Variants in FANCA observed in about 807,000 individuals in gnomAD.
FANCA encodes the protein FA complementation group A, also known as Fanconi anemia group A protein.
In FANCA, 236 loss-of-function variants were observed where a neutral mutation model predicts 194.3. The observed-to-expected ratio is 1.21, with a 90% CI of 1.09 to 1.35. FANCA has a LOEUF of 1.35. Among genes scored for constraint, FANCA ranks in the 40% most tolerant of loss-of-function variants. The probability of loss-of-function intolerance (pLI) is 0.00; values close to 1 mark genes in which losing one functional copy is unlikely to be tolerated. For missense variants in FANCA, 2,628 were observed against 1,813.9 expected (o/e 1.45, Z -8.15); for synonymous variants, 1,014 against 715.8 (o/e 1.42, Z -6.65).
intron 15 of FANCA, among the ~76,000 whole-genome samples, chr16:89,784,390 CA>C (rs1240873621): frequency 4.5e-5 from 3 of 66,432 alleles, no homozygotes; most frequent in African/African-American, 1.7e-4. Flanking sequence ...CCCAAAAAAA[CA>C]AAAAAACAAA....
chr16:89,764,144 A>T (rs1458678141), intron 28 of FANCA, among the ~76,000 whole-genome samples: 2 of 151,930 alleles, frequency 1.3e-5, no homozygotes, highest in Non-Finnish European at 2.9e-5. Context: ...GGAGAGGCTG[A>T]GGCATGAGAA....
In FANCA at chr16:89,748,674, C is replaced by T. The variant is rs1325097813; in HGVS notation, c.3333G>A (p.Leu1111=). 4 of 1,613,840 alleles carry T rather than the reference C, an allele frequency of 2.5e-6. No homozygotes were observed. The highest frequency in any genetic ancestry group is 3.4e-6 in the Non-Finnish European group (4 of 1,179,906). ...ITARCEQFFH[L]VNSEMRNFCS... ...GGGCACCTACCATCTCAGAGTTGAC[C>T]AAGTGGAAGAACTGCTCGCATCTGG... The change falls in exon 33 of 43, where the codon TTG becomes TTA. Residue 1111 remains leucine (L), a synonymous_variant. Transcript: ENST00000389301.
intron 8 of FANCA, among the ~76,000 whole-genome samples, chr16:89,801,976 T>A (rs1380963621): frequency 6.6e-6 from 1 of 151,998 alleles, no homozygotes; most frequent in East Asian, 1.9e-4. Flanking sequence ...GGAAAGGAAA[T>A]CAGCCAGCTG....
chr16:89,802,447 G>A (rs1288148246), intron 8 of FANCA, among the ~76,000 whole-genome samples: 2 of 151,832 alleles, frequency 1.3e-5, no homozygotes, highest in African/African-American at 4.8e-5. Flanking sequence ...TGTCGCCTAG[G>A]CTGGAATACA....
At chr16:89,779,498 G>C (rs911878974) in intron 18 of FANCA, among the ~76,000 whole-genome samples, 3 of 151,786 alleles carry the variant, frequency 2.0e-5, no homozygotes, top group Non-Finnish European at 2.9e-5. Flanking sequence ...TTCCCTCCCA[G>C]TGCAAGCTCC....
intron 36 of FANCA, among the ~76,000 whole-genome samples, chr16:89,743,971 C>T (rs958441051): frequency 1.3e-5 from 2 of 152,100 alleles, no homozygotes; most frequent in African/African-American, 4.8e-5. Flanking sequence ...GATCTCGGCT[C>T]ACTGCAACCT....
intron 39 of FANCA, chr16:89,739,775 C>G (rs1249740023): frequency 1.4e-6 from 2 of 1,473,854 alleles, no homozygotes; most frequent in Non-Finnish European, 1.8e-6. Context: ...CAGAGAGAGG[C>G]AGTCCCCATG....
intron 14 of FANCA, among the ~76,000 whole-genome samples, chr16:89,789,436 CTTTTTTTTTTT>C (rs532159256): frequency 2.0e-5 from 2 of 102,556 alleles, no homozygotes; most frequent in South Asian, 3.3e-4. Flanking sequence ...AAACTCAATA[CTTTTTTTTTTT>C]TTTTTTTTTT....
intron 14 of FANCA, among the ~76,000 whole-genome samples, chr16:89,785,862 T>TTTTTG (rs1259525485): frequency 1.4e-5 from 2 of 145,642 alleles, no homozygotes; most frequent in African/African-American, 2.6e-5. Context: ...TGTTTTGTTT[T>TTTTTG]TTTTTTTTTG....
At chr16:89,766,737 G>A (rs1007441074) in intron 27 of FANCA, among the ~76,000 whole-genome samples, 4 of 151,454 alleles carry the variant, frequency 2.6e-5, no homozygotes, top group African/African-American at 9.7e-5. Flanking sequence ...AAATTCCTTT[G>A]TCTGAACAAT....
intron 42 of FANCA, 27 bp from the exon 43 acceptor site, chr16:89,738,735 C>T (rs2062033003): frequency 6.2e-7 from 1 of 1,613,140 alleles, no homozygotes; most frequent in Non-Finnish European, 8.5e-7. Flanking sequence ...GGTCCTCAGC[C>T]CATGCCGCCC....
intron 20 of FANCA, among the ~76,000 whole-genome samples, chr16:89,778,161 C>CAAAA (rs35361961): frequency 2.2e-3 from 105 of 47,956 alleles, no homozygotes; most frequent in East Asian, 7.0e-3. Flanking sequence ...GACTTCATCT[C>CAAAA]AAAAAAAAAA....
At chr16:89,749,638 A>T in intron 32 of FANCA, 92 bp downstream of exon 32, 1 of 1,483,706 alleles carries the variant, frequency 6.7e-7, no homozygotes, top group Non-Finnish European at 9.2e-7. Context: ...AAGTAACGGG[A>T]AACAAACTCA....
intron 11 of FANCA, among the ~76,000 whole-genome samples, chr16:89,795,355 G>A (rs2040208195): frequency 6.6e-6 from 1 of 151,878 alleles, no homozygotes; most frequent in Non-Finnish European, 1.5e-5. Flanking sequence ...TACGCTGGGT[G>A]CGGTGGCTCA....
At chr16:89,776,754 C>A (rs986017481) in intron 20 of FANCA, among the ~76,000 whole-genome samples, 1 of 151,788 alleles carries the variant, frequency 6.6e-6, no homozygotes, top group Non-Finnish European at 1.5e-5. Context: ...TGGCATGAAC[C>A]CAGAAGGTGG....
At chr16:89,791,861 G>C in intron 13 of FANCA, 66 bp downstream of exon 13, 7 of 1,592,464 alleles carry the variant, frequency 4.4e-6, no homozygotes, top group Non-Finnish European at 6.0e-6. Context: ...CAGTCAGCTG[G>C]GACTCTGCTG....
chr16:89,759,309 G>C (rs1216824255), intron 29 of FANCA, among the ~76,000 whole-genome samples: 1 of 70,060 alleles, frequency 1.4e-5, no homozygotes, highest in Admixed American at 1.8e-4. Flanking sequence ...AACAGAGCGA[G>C]ACTCCGTCTA....
At position 89,808,438 on chromosome 16, in the gene FANCA, G is replaced by C. The variant is rs2040749439; in HGVS notation, c.523-71C>G. 2.0e-6 allele frequency: 3 copies of C among 1,471,604 alleles called. No individual in the cohort carries two copies. The South Asian group carries it at 3.4e-5, about 17-fold the overall frequency. The allele number at this position is 1,471,604 out of a possible 1,614,324, so 91.2% of individuals were successfully genotyped here. A position where few individuals can be genotyped will look rare whatever the true frequency, so the allele number is the denominator to read the frequency against. On this transcript the variant is annotated intron_variant, in intron 5 of 42. Coordinates refer to ENST00000389301, the MANE Select transcript of FANCA (RefSeq NM_000135.4). The stretch of plus-strand genomic sequence containing the variant: ...CCAGCATTCTGAGTCCTTTATGAAT[G>C]CATTTTCCTACAAAATGTTCAACTT...
chr16:89,772,812 C>CT, intron 22 of FANCA, among the ~76,000 whole-genome samples: 1 of 125,948 alleles, frequency 7.9e-6, no homozygotes, highest in East Asian at 3.8e-4. Context: ...GAGTGAGACT[C>CT]TGTCTCAAAA....
Sources: gnomAD v4.1 joint callset for allele counts (sites outside exome capture counted in the v4.1 genomes callset) on GRCh38, gnomAD v4.1.1 for gene constraint, MANE v1.5 for transcripts, NCBI Gene and HGNC (gene_info 2026-07-23, HGNC 2026-07-21) for gene names.